DENND11: variants seen among roughly 807,000 people sequenced by gnomAD.
DENND11 encodes DENN domain containing 11.
A neutral mutation model predicts 49.2 loss-of-function variants in DENND11; 34 were observed. The ratio of observed to expected loss-of-function variants is 0.69; its 90% CI spans 0.53 to 0.92. The LOEUF is 0.92. Among genes scored for constraint, DENND11 ranks in the 40% least tolerant of loss-of-function variants. DENND11 has a pLI of 0.00. For missense variants in DENND11, 475 were observed against 581.6 expected (o/e 0.82, Z 1.88); for synonymous variants, 238 against 230.3 (o/e 1.03, Z -0.30).
intron 3 of DENND11, among the ~76,000 whole-genome samples, chr7:141,676,143 G>A (rs1798057684): frequency 6.6e-6 from 1 of 152,050 alleles, no homozygotes; most frequent in African/African-American, 2.4e-5. Flanking sequence ...TTATTAGGAT[G>A]GAATTTCCCT....
intron 1 of DENND11, 116 bp downstream of exon 1, chr7:141,701,770 T>A (rs1461420330): frequency 1.1e-6 from 1 of 877,282 alleles, no homozygotes; most frequent in Non-Finnish European, 1.4e-6. Context: ...CCGGCCCTGG[T>A]GCGGGGTGCG....
At chr7:141,670,011 C>A (rs940038528) in intron 4 of DENND11, among the ~76,000 whole-genome samples, 5 of 150,818 alleles carry the variant, frequency 3.3e-5, no homozygotes, top group African/African-American at 9.9e-5. Context: ...GGGGTTTCAC[C>A]GTGTTAGCCA....
intron 1 of DENND11, among the ~76,000 whole-genome samples, chr7:141,692,750 T>A (rs1355652204): frequency 6.6e-6 from 1 of 151,500 alleles, no homozygotes; most frequent in Non-Finnish European, 1.5e-5. Flanking sequence ...GAGGCTGGGG[T>A]GGGAGGATCA....
At chr7:141,675,501 A>C (rs1798049929) in intron 3 of DENND11, among the ~76,000 whole-genome samples, 1 of 152,208 alleles carries the variant, frequency 6.6e-6, no homozygotes. Context: ...AATTTCCATC[A>C]ATCAATGAAC....
intron 3 of DENND11, among the ~76,000 whole-genome samples, chr7:141,680,612 G>T (rs1485378555): frequency 6.6e-6 from 1 of 151,556 alleles, no homozygotes; most frequent in African/African-American, 2.4e-5. Context: ...AATGGAATGT[G>T]AACAGAGGTG....
At chr7:141,691,473 A>G (rs969014884) in intron 1 of DENND11, among the ~76,000 whole-genome samples, 20 of 152,246 alleles carry the variant, frequency 1.3e-4, no homozygotes, top group Non-Finnish European at 2.1e-4. Context: ...TAAAGTCCCC[A>G]TTCCTTAGCC....
intron 3 of DENND11, among the ~76,000 whole-genome samples, chr7:141,685,041 T>A (rs866920695): frequency 1.8e-3 from 233 of 128,278 alleles, no homozygotes; most frequent in Non-Finnish European, 2.8e-3. Context: ...TATATATATA[T>A]ATATATATAT....
At chr7:141,697,425 T>C (rs923397158) in intron 1 of DENND11, among the ~76,000 whole-genome samples, 3 of 152,178 alleles carry the variant, frequency 2.0e-5, no homozygotes, top group African/African-American at 7.2e-5. Flanking sequence ...TGAACCACAA[T>C]TGTATTCCAC....
At chr7:141,666,227 A>C in intron 5 of DENND11, 60 bp downstream of exon 5, 1 of 1,502,688 alleles carries the variant, frequency 6.7e-7, no homozygotes, top group South Asian at 1.4e-5. Flanking sequence ...TGACAGAAAG[A>C]CTCAAGCAGT....
chr7:141,678,221 C>A (rs899362317), intron 3 of DENND11, among the ~76,000 whole-genome samples: 3 of 152,212 alleles, frequency 2.0e-5, no homozygotes, highest in Non-Finnish European at 2.9e-5. Context: ...CCTCGGCCTC[C>A]CAAAGTGCTA....
chr7:141,674,258 C>G (rs183198195), intron 3 of DENND11, 38 bp from the exon 4 acceptor site: 23 of 1,501,428 alleles, frequency 1.5e-5, no homozygotes, highest in African/African-American at 2.8e-5. Flanking sequence ...CACACACACA[C>G]AGTGAGAACA....
At chr7:141,700,476 T>TCAAA (rs1563007383) in intron 1 of DENND11, among the ~76,000 whole-genome samples, 34 of 140,234 alleles carry the variant, frequency 2.4e-4, no homozygotes, top group African/African-American at 8.5e-4. Context: ...AGACACTGTC[T>TCAAA]GAAAAAAAAA....
chr7:141,686,526 G>T, intron 2 of DENND11, 33 bp downstream of exon 2: 1 of 1,366,822 alleles, frequency 7.3e-7, no homozygotes, highest in Non-Finnish European at 1.0e-6. Context: ...GGGGGGAATG[G>T]TACGAAGATG....
rs1159044937 is a variant in DENND11 at position 141,687,614 on chromosome 7, A to G, written c.269-956T>C. 3.5e-5 allele frequency among the ~76,000 whole-genome samples: 5 copies of G among 142,298 alleles called. No homozygotes were observed. In the East Asian group the frequency reaches 1.1e-3, roughly 30 times the overall value. The allele number at this position is 142,298 out of a possible 152,430, so 93.4% of individuals were successfully genotyped here. A position where few individuals can be genotyped will look rare whatever the true frequency, so the allele number is the denominator to read the frequency against. On this transcript the variant is annotated intron_variant, in intron 1 of 8. Transcript: ENST00000536163. ...CACGTAGCTGGGATTACAGGCGCATACCAGCACACTCGGCTAATTTTTTTT... is the reference window on the plus strand; with the variant it reads ...CACGTAGCTGGGATTACAGGCGCATGCCAGCACACTCGGCTAATTTTTTTT...
rs764947305 is a variant in DENND11 at position 141,662,744 on chromosome 7, G to GGTA, written c.1279_1280insTAC (p.Asp426_Pro427insLeu). 1.2e-6 allele frequency: 2 copies of GGTA among 1,611,754 alleles called. No individual in the cohort carries two copies. Among genetic ancestry groups the GGTA allele is most frequent in the Non-Finnish European group, 8.5e-7 (1 of 1,179,098 alleles). ...CAGGAGAAAGCTCCGGTCTCCTTGG[G>GGTA]GGTCTAGGCCCATGCCCCGGGCATG... On this transcript the variant is annotated inframe_insertion, in exon 9 of 9. Transcript: ENST00000536163.
chr7:141,699,186 G>C (rs962636669), intron 1 of DENND11, among the ~76,000 whole-genome samples: 3 of 152,080 alleles, frequency 2.0e-5, no homozygotes, highest in Non-Finnish European at 4.4e-5. Context: ...AGTCTGGGTG[G>C]GCCAATATTA....
intron 1 of DENND11, 68 bp downstream of exon 1, chr7:141,701,818 C>T (rs1798525129): frequency 1.8e-6 from 2 of 1,127,682 alleles, no homozygotes; most frequent in East Asian, 4.2e-5. Context: ...CGAGCCCCTC[C>T]CCCGCGCCCC....
At chr7:141,691,247 C>T (rs917319672) in intron 1 of DENND11, among the ~76,000 whole-genome samples, 1 of 152,200 alleles carries the variant, frequency 6.6e-6, no homozygotes, top group African/African-American at 2.4e-5. Context: ...GATGTAGCAT[C>T]GTATCACAGA....
intron 3 of DENND11, among the ~76,000 whole-genome samples, chr7:141,680,584 A>G (rs1241877250): frequency 6.6e-6 from 1 of 151,818 alleles, no homozygotes; most frequent in African/African-American, 2.4e-5. Flanking sequence ...ATGTGTGCCT[A>G]GTAACCAAGA....
Sources: allele counts gnomAD v4.1 joint callset (sites outside exome capture counted in the v4.1 genomes callset), GRCh38; gene constraint gnomAD v4.1.1; transcripts MANE v1.5; gene names NCBI Gene and HGNC (gene_info 2026-07-23, HGNC 2026-07-21).